SLC44A5: variants seen among roughly 807,000 people sequenced by gnomAD.
SLC44A5 encodes the protein solute carrier family 44 member 5.
In SLC44A5, 57 loss-of-function variants were observed where a neutral mutation model predicts 101.8. The ratio of observed to expected loss-of-function variants is 0.56; its 90% CI spans 0.45 to 0.70. SLC44A5 has a LOEUF of 0.70. Among genes scored for constraint, SLC44A5 ranks in the 30% least tolerant of loss-of-function variants. The pLI, the probability that SLC44A5 is intolerant of heterozygous loss-of-function variation, is 0.00. For missense variants in SLC44A5, 737 were observed against 853.1 expected (o/e 0.86, Z 1.70); for synonymous variants, 281 against 290.9 (o/e 0.97, Z 0.35).
intron 6 of SLC44A5, among the ~76,000 whole-genome samples, chr1:75,254,386 G>C (rs1649841486): frequency 6.6e-6 from 1 of 152,000 alleles, no homozygotes; most frequent in Admixed American, 6.6e-5. Flanking sequence ...GGTTGCAGCT[G>C]AGCAATTCTG....
intron 2 of SLC44A5, among the ~76,000 whole-genome samples, chr1:75,441,157 A>C (rs567555651): frequency 3.7e-4 from 57 of 152,278 alleles, no homozygotes; most frequent in African/African-American, 1.3e-3. Context: ...TACAAGGATA[A>C]CTGGAACAAT....
chr1:75,503,156 CTT>C (rs1669060611), intron 2 of SLC44A5, among the ~76,000 whole-genome samples: 1 of 152,094 alleles, frequency 6.6e-6, no homozygotes, highest in Non-Finnish European at 1.5e-5. Flanking sequence ...TACCTCAACT[CTT>C]TCTCAAATCT....
intron 1 of SLC44A5, among the ~76,000 whole-genome samples, chr1:75,543,648 T>C (rs554122739): frequency 7.4e-6 from 1 of 135,606 alleles, no homozygotes. Flanking sequence ...CACATATATA[T>C]ACACATATAT....
the SLC44A5 span, among the ~76,000 whole-genome samples, chr1:75,683,199 G>A: frequency 2.0e-5 from 3 of 151,122 alleles, no homozygotes; most frequent in Admixed American, 6.6e-5. Flanking sequence ...TCAGTGTGGC[G>A]ATTCCTCTGG....
intron 2 of SLC44A5, among the ~76,000 whole-genome samples, chr1:75,484,591 T>G (rs1232366659): frequency 1.3e-5 from 2 of 152,188 alleles, no homozygotes; most frequent in Non-Finnish European, 2.9e-5. Context: ...CGTTGGTGTA[T>G]CTACCATTCT....
chr1:75,633,871 T>G, the SLC44A5 span, among the ~76,000 whole-genome samples: 1 of 152,186 alleles, frequency 6.6e-6, no homozygotes, highest in Non-Finnish European at 1.5e-5. Context: ...CACAGATAGC[T>G]CTTATTATTT....
At chr1:75,580,379 G>A (rs1328495680) in intron 1 of SLC44A5, among the ~76,000 whole-genome samples, 2 of 152,174 alleles carry the variant, frequency 1.3e-5, no homozygotes, top group Admixed American at 1.3e-4. Context: ...TTGAGAGTCA[G>A]GTGCAAATAT....
At chr1:75,568,652 A>G (rs1159309773) in intron 1 of SLC44A5, among the ~76,000 whole-genome samples, 1 of 152,138 alleles carries the variant, frequency 6.6e-6, no homozygotes, top group Non-Finnish European at 1.5e-5. Flanking sequence ...ATATTTCTCA[A>G]AGTGGCCCTC....
chr1:75,206,555 C>A, intron 23 of SLC44A5: 2 of 1,192,898 alleles, frequency 1.7e-6, no homozygotes, highest in South Asian at 1.3e-5. Flanking sequence ...TTACAATCAA[C>A]CTAATTTACA....
At chr1:75,554,062 C>T (rs953558450) in intron 1 of SLC44A5, among the ~76,000 whole-genome samples, 8 of 152,116 alleles carry the variant, frequency 5.3e-5, no homozygotes, top group Admixed American at 5.2e-4. Context: ...GTGTAAGAAG[C>T]ATTTGATAAA....
At chr1:75,529,117 G>A (rs570817494) in intron 2 of SLC44A5, among the ~76,000 whole-genome samples, 12 of 152,080 alleles carry the variant, frequency 7.9e-5, no homozygotes, top group Non-Finnish European at 1.2e-4. Flanking sequence ...CCCAGCACCC[G>A]GCACTGTACC....
chr1:75,717,421 A>G, the SLC44A5 span, among the ~76,000 whole-genome samples: 1 of 152,196 alleles, frequency 6.6e-6, no homozygotes, highest in African/African-American at 2.4e-5. Context: ...GAGAGTACAC[A>G]TGGACACAAA....
At chr1:75,327,980 G>A (rs776446926) in intron 4 of SLC44A5, among the ~76,000 whole-genome samples, 5 of 152,124 alleles carry the variant, frequency 3.3e-5, no homozygotes, top group Non-Finnish European at 7.3e-5. Flanking sequence ...CCCATAATGC[G>A]ATGCTGCTAC....
At chr1:75,318,940 AC>A (rs1169725615) in intron 4 of SLC44A5, among the ~76,000 whole-genome samples, 2 of 150,338 alleles carry the variant, frequency 1.3e-5, no homozygotes, top group Admixed American at 6.7e-5. Context: ...ATCACTCCCA[AC>A]CCCCCCTGCC....
chr1:75,681,169 A>G, the SLC44A5 span, among the ~76,000 whole-genome samples: 8 of 152,322 alleles, frequency 5.3e-5, no homozygotes, highest in East Asian at 1.2e-3. Flanking sequence ...TCACAGCCGA[A>G]TTCTACCAGA....
chr1:75,617,486 T>C, the SLC44A5 span, among the ~76,000 whole-genome samples: 8 of 152,184 alleles, frequency 5.3e-5, no homozygotes, highest in African/African-American at 1.9e-4. Context: ...TGCGATATCA[T>C]CTCAAAAATT....
At chr1:75,545,275 G>A (rs901742972) in intron 1 of SLC44A5, among the ~76,000 whole-genome samples, 4 of 152,042 alleles carry the variant, frequency 2.6e-5, no homozygotes, top group Non-Finnish European at 5.9e-5. Flanking sequence ...CATTTGGGTT[G>A]GTTACAAGTC....
chr1:75,402,968 C>A (rs950440034), intron 2 of SLC44A5, among the ~76,000 whole-genome samples: 8 of 152,194 alleles, frequency 5.3e-5, no homozygotes, highest in African/African-American at 1.9e-4. Flanking sequence ...GCTGACAGCA[C>A]AGCAGTCTGA....
intron 2 of SLC44A5, among the ~76,000 whole-genome samples, chr1:75,430,765 G>C (rs1317438840): frequency 6.6e-6 from 1 of 152,184 alleles, no homozygotes; most frequent in Non-Finnish European, 1.5e-5. Context: ...TCTCACCCAG[G>C]TGGTTAGAAA....
Sources: gnomAD v4.1 joint callset for allele counts (sites outside exome capture counted in the v4.1 genomes callset) on GRCh38, gnomAD v4.1.1 for gene constraint, MANE v1.5 for transcripts, NCBI Gene and HGNC (gene_info 2026-07-23, HGNC 2026-07-21) for gene names.